IPO11: variants seen among roughly 807,000 people sequenced by gnomAD.
The protein encoded by IPO11 is importin 11.
IPO11 carries 66 observed loss-of-function variants against 143.2 expected under a neutral mutation model. The observed-to-expected ratio is 0.46, with a 90% CI of 0.38 to 0.57. The LOEUF is 0.57. IPO11 is among the 20% of genes least tolerant of loss of function. IPO11 has a pLI of 0.00. For missense variants in IPO11, 1,026 were observed against 1,141.0 expected, an observed-to-expected ratio of 0.90 and a Z score of 1.45; for synonymous variants, 385 against 377.8, an observed-to-expected ratio of 1.02 and a Z score of -0.22.
At chr5:62,533,964 A>AG (rs371872588) in intron 22 of IPO11, among the ~76,000 whole-genome samples, 1 of 148,584 alleles carries the variant, frequency 6.7e-6, no homozygotes, top group Non-Finnish European at 1.5e-5. Flanking sequence ...AAAAAAAAAA[A>AG]AAAGAAAGCC....
intron 5 of IPO11, among the ~76,000 whole-genome samples, chr5:62,460,386 TTGTTGATTAA>T (rs1352648814): frequency 6.6e-6 from 1 of 152,202 alleles, no homozygotes; most frequent in Non-Finnish European, 1.5e-5. Flanking sequence ...CCTCCTACAT[TTGTTGATTAA>T]TATACCTTGC....
At chr5:62,555,522 G>A (rs1743547167) in intron 26 of IPO11, among the ~76,000 whole-genome samples, 1 of 121,422 alleles carries the variant, frequency 8.2e-6, no homozygotes, top group African/African-American at 3.7e-5. Flanking sequence ...TTATTTATTT[G>A]AGACAGAGTC....
chr5:62,590,338 A>G (rs1479335754), intron 27 of IPO11, among the ~76,000 whole-genome samples: 1 of 152,216 alleles, frequency 6.6e-6, no homozygotes, highest in Non-Finnish European at 1.5e-5. Flanking sequence ...TTCTTTACTT[A>G]ACCCTGTTGG....
rs754132485 is a variant in IPO11 at position 62,581,271 on chromosome 5, G to A, written c.2583-10306G>A. 6 of 1,533,568 alleles carry A rather than the reference G, an allele frequency of 3.9e-6. No homozygotes were observed. In the South Asian group the frequency reaches 5.0e-5, roughly 13 times the overall value. 95.0% of individuals were successfully genotyped at this position (1,533,568 alleles called of 1,614,324 possible). ...ATAAACAAATTGTTCCTGAAAATGAGGCACAGGTCATTCTTTTTGAACATT... is the reference window on the plus strand; with the variant it reads ...ATAAACAAATTGTTCCTGAAAATGAAGCACAGGTCATTCTTTTTGAACATT... On this transcript the variant is annotated intron_variant, in intron 27 of 29. Coordinates refer to ENST00000325324, the MANE Select transcript of IPO11 (RefSeq NM_016338.5).
chr5:62,481,408 GCA>G (rs1288298708), intron 9 of IPO11, among the ~76,000 whole-genome samples: 1 of 152,100 alleles, frequency 6.6e-6, no homozygotes, highest in East Asian at 1.9e-4. Flanking sequence ...GTCATAAATA[GCA>G]CTTTTTATTT....
chr5:62,482,094 TC>T (rs1308602146), intron 9 of IPO11, among the ~76,000 whole-genome samples: 1 of 152,222 alleles, frequency 6.6e-6, no homozygotes, highest in Non-Finnish European at 1.5e-5. Context: ...TTTACAGTGT[TC>T]TCTGATGTTG....
intron 5 of IPO11, among the ~76,000 whole-genome samples, chr5:62,452,722 G>GT (rs1744981923): frequency 3.5e-5 from 3 of 86,862 alleles, no homozygotes; most frequent in Non-Finnish European, 6.4e-5. Flanking sequence ...GTTTTTGGTG[G>GT]GGTGTGTGTG....
At chr5:62,520,900 C>G (rs1742180939) in intron 20 of IPO11, among the ~76,000 whole-genome samples, 1 of 152,196 alleles carries the variant, frequency 6.6e-6, no homozygotes, top group African/African-American at 2.4e-5. Context: ...AATGGTATTT[C>G]TAGTTCTAGA....
At chr5:62,501,265 G>A (rs1741339683) in intron 16 of IPO11, among the ~76,000 whole-genome samples, 1 of 151,816 alleles carries the variant, frequency 6.6e-6, no homozygotes, top group Non-Finnish European at 1.5e-5. Flanking sequence ...CAAAAACACT[G>A]CTACAGATCT....
At chr5:62,538,520 C>T (rs1374271475) in intron 24 of IPO11, among the ~76,000 whole-genome samples, 1 of 152,108 alleles carries the variant, frequency 6.6e-6, no homozygotes, top group Non-Finnish European at 1.5e-5. Flanking sequence ...TAAGGGCCTC[C>T]TCCCGCTTCG....
chr5:62,623,963 G>T lies in IPO11; in HGVS notation c.2764-3191G>T, dbSNP rs1054636577. 3.3e-5 allele frequency among the ~76,000 whole-genome samples: 5 copies of T among 151,964 alleles called. No individual in the cohort carries two copies. The South Asian group carries it at 1.0e-3, about 32-fold the overall frequency. On this transcript the variant is annotated intron_variant, in intron 29 of 29. Transcript: ENST00000325324. The stretch of plus-strand genomic sequence containing the variant: ...TTGATTATATGCTAAACAAAGGATG[G>T]ATTGTTCATGAGATTTTTTGGGAAG...
In IPO11 at chr5:62,596,871, C is replaced by G. The variant is rs577216526; in HGVS notation, c.2679-4893C>G. Among the ~76,000 whole-genome samples the G allele has an allele frequency of 1.4e-4, 21 of 152,278 alleles. No individual in the cohort carries two copies. The South Asian group carries it at 4.4e-3, about 32-fold the overall frequency. ...CAGACACCAGCTTTCTCTCTTGTCT[C>G]CCTGGATTCTTCATCATTCTGCAAA... On this transcript the variant is annotated intron_variant, in intron 28 of 29. Coordinates refer to ENST00000325324, the MANE Select transcript of IPO11 (RefSeq NM_016338.5).
chr5:62,492,137 T>C (rs1412101253), intron 15 of IPO11, among the ~76,000 whole-genome samples: 1 of 152,228 alleles, frequency 6.6e-6, no homozygotes, highest in Non-Finnish European at 1.5e-5. Flanking sequence ...AATGCACACA[T>C]TAAATAGCAA....
At position 62,444,230 on chromosome 5, in the gene IPO11, C is replaced by G. The variant is rs542753727; in HGVS notation, c.239+1147C>G. On this transcript the variant is annotated intron_variant, in intron 3 of 29. Transcript: ENST00000325324. ...GCCTCAGCCTCCCGAGTAGCTGGGA[C>G]TACAGGTGCTTGCCATCTTGCCCCG... is the stretch of plus-strand genomic sequence containing the variant. Among the ~76,000 whole-genome samples the G allele has an allele frequency of 1.5e-4, 23 of 151,862 alleles. No homozygotes were observed. The East Asian group carries it at 4.3e-3, about 28-fold the overall frequency.
chr5:62,520,363 G>A (rs1454609274), intron 20 of IPO11, among the ~76,000 whole-genome samples: 1 of 151,614 alleles, frequency 6.6e-6, no homozygotes, highest in African/African-American at 2.4e-5. Flanking sequence ...TCATCTTGAA[G>A]AGATACGACA....
chr5:62,563,848 A>G (rs574175206), intron 27 of IPO11, among the ~76,000 whole-genome samples: 3 of 152,308 alleles, frequency 2.0e-5, no homozygotes, highest in Admixed American at 2.0e-4. Flanking sequence ...GTTGGCATCT[A>G]TAAGAAAAAT....
At chr5:62,448,199 A>G (rs183790157) in intron 3 of IPO11, among the ~76,000 whole-genome samples, 1 of 152,218 alleles carries the variant, frequency 6.6e-6, no homozygotes, top group East Asian at 1.9e-4. Flanking sequence ...TCTGATAACA[A>G]GATAGCTACT....
chr5:62,437,335 G>T lies in IPO11; in HGVS notation c.56G>T (p.Ser19Ile). 6.2e-7 allele frequency: 1 copy of T among 1,612,786 alleles called. No individual in the cohort carries two copies. Residue 19 changes from serine (S) to isoleucine (I), a missense_variant, in exon 2 of 30, where the codon AGT (serine) becomes ATT (isoleucine). Transcript: ENST00000325324. ...CTTCAGGTGTTAACACAGGCCACCA[G>T]TCAGGATACTGCTGTGTTAAAACCA... is the stretch of plus-strand genomic sequence containing the variant. ...VVLQVLTQAT[S>I]QDTAVLKPAE...
intron 27 of IPO11, among the ~76,000 whole-genome samples, chr5:62,568,457 C>T (rs1744029227): frequency 6.7e-6 from 1 of 149,526 alleles, no homozygotes; most frequent in African/African-American, 2.5e-5. Context: ...ACCTGTAATC[C>T]CAGCTACTCG....
Sources: allele counts gnomAD v4.1 joint callset (sites outside exome capture counted in the v4.1 genomes callset), GRCh38; gene constraint gnomAD v4.1.1; transcripts MANE v1.5; gene names NCBI Gene and HGNC (gene_info 2026-07-23, HGNC 2026-07-21).